The following TMIGD3 variants were observed in gnomAD, a reference collection of about 807,000 sequenced individuals.
TMIGD3 encodes the protein AD026 protein (AD026).
A neutral mutation model predicts 28.1 loss-of-function variants in TMIGD3; 21 were observed. The observed-to-expected ratio is 0.75, with a 90% CI of 0.53 to 1.08. The LOEUF is 1.08. Ranked by LOEUF, TMIGD3 falls within the 50% of genes least tolerant of loss-of-function variation. TMIGD3 has a pLI of 0.00. For synonymous variants in TMIGD3, 151 were observed against 162.1 expected (o/e 0.93, Z 0.52); for missense variants, 416 against 435.6 (o/e 0.96, Z 0.40).
intron 1 of TMIGD3, among the ~76,000 whole-genome samples, chr1:111,510,523 G>A (rs934383305): frequency 6.6e-6 from 1 of 152,082 alleles, no homozygotes; most frequent in Non-Finnish European, 1.5e-5. Flanking sequence ...GCAGAGCTTT[G>A]TCCCATTCAT....
intron 1 of TMIGD3, among the ~76,000 whole-genome samples, chr1:111,548,329 T>A (rs1411201048): frequency 6.6e-6 from 1 of 152,204 alleles, no homozygotes; most frequent in Non-Finnish European, 1.5e-5. Context: ...CATGGACCAC[T>A]TTTTACCTCT....
At chr1:111,507,027 GTGTGTGTGTGTGTATATA>G (rs1430962084), upstream of TMIGD3, among the ~76,000 whole-genome samples, 1 of 35,616 alleles carries the variant, frequency 2.8e-5, no homozygotes, top group Admixed American at 4.6e-4. Context: ...GTGTGTGTGT[GTGTGTGTGTGTGTATATA>G]TATATATATA....
intron 1 of TMIGD3, among the ~76,000 whole-genome samples, chr1:111,510,237 C>T (rs1297558197): frequency 1.3e-5 from 2 of 152,180 alleles, no homozygotes; most frequent in African/African-American, 4.8e-5. Flanking sequence ...GCATCTACTC[C>T]CTGATCAGAC....
intron 1 of TMIGD3, among the ~76,000 whole-genome samples, chr1:111,502,094 GGA>G (rs1173876371): frequency 1.6e-4 from 12 of 75,942 alleles, no homozygotes; most frequent in East Asian, 9.4e-4. Flanking sequence ...AATATATATA[GGA>G]GATATATATT....
chr1:111,559,786 T>G (rs1005787048), intron 1 of TMIGD3, among the ~76,000 whole-genome samples: 2 of 152,206 alleles, frequency 1.3e-5, no homozygotes, highest in African/African-American at 4.8e-5. Flanking sequence ...AGCCATAACA[T>G]GAGTCTAGCT....
At chr1:111,498,503 A>G (rs1654994759) in intron 1 of TMIGD3, among the ~76,000 whole-genome samples, 1 of 152,180 alleles carries the variant, frequency 6.6e-6, no homozygotes, top group East Asian at 1.9e-4. Context: ...GTTTGTGCCT[A>G]TCTGTTAATT....
chr1:111,536,604 A>T (rs964046232), intron 1 of TMIGD3, among the ~76,000 whole-genome samples: 2 of 152,098 alleles, frequency 1.3e-5, no homozygotes, highest in Non-Finnish European at 2.9e-5. Flanking sequence ...TTCATCGCTC[A>T]TACCCGCGAT....
intron 1 of TMIGD3, among the ~76,000 whole-genome samples, chr1:111,528,014 G>A (rs1656329554): frequency 6.6e-6 from 1 of 151,716 alleles, no homozygotes; most frequent in African/African-American, 2.4e-5. Flanking sequence ...ATGAAGTCTA[G>A]CTTGTCAATT....
intron 1 of TMIGD3, among the ~76,000 whole-genome samples, chr1:111,495,843 T>C (rs1444601871): frequency 6.6e-6 from 1 of 152,246 alleles, no homozygotes; most frequent in Non-Finnish European, 1.5e-5. Flanking sequence ...AACAAGATCA[T>C]GTCCTTTGCA....
chr1:111,543,105 TACAC>T (rs1039937210), intron 1 of TMIGD3, among the ~76,000 whole-genome samples: 5 of 152,126 alleles, frequency 3.3e-5, no homozygotes, highest in African/African-American at 1.2e-4. Flanking sequence ...TTATTTCTGC[TACAC>T]ACACACAGAC....
chr1:111,500,471 T>TG (rs1655117871), intron 1 of TMIGD3: 1 of 1,614,216 alleles, frequency 6.2e-7, no homozygotes. Context: ...CAGCCAAACA[T>TG]GGGGGTCAAT....
At chr1:111,551,609 T>G (rs1657260773) in intron 1 of TMIGD3, among the ~76,000 whole-genome samples, 2 of 152,200 alleles carry the variant, frequency 1.3e-5, no homozygotes, top group South Asian at 4.1e-4. Context: ...AATTATTGCT[T>G]TATGTAGCTG....
chr1:111,518,113 C>G (rs961292481), intron 1 of TMIGD3, among the ~76,000 whole-genome samples: 1 of 152,166 alleles, frequency 6.6e-6, no homozygotes, highest in African/African-American at 2.4e-5. Flanking sequence ...AGAGGAACCA[C>G]TTTTAACCTT....
At chr1:111,526,980 A>C (rs930204917) in intron 1 of TMIGD3, among the ~76,000 whole-genome samples, 1 of 147,246 alleles carries the variant, frequency 6.8e-6, no homozygotes, top group South Asian at 2.1e-4. Context: ...TTCAGTTTGT[A>C]ATATACATTT....
At chr1:111,509,096 A>G (rs963385105) in intron 1 of TMIGD3, among the ~76,000 whole-genome samples, 3 of 152,148 alleles carry the variant, frequency 2.0e-5, no homozygotes, top group Non-Finnish European at 1.5e-5. Context: ...CTCCGTCTCA[A>G]ACAAACAAAC....
In TMIGD3 at chr1:111,524,047, T is replaced by TGGGGGG. The variant is rs371004556; in HGVS notation, c.108-33286_108-33285insCCCCCC. 1.1e-3 allele frequency among the ~76,000 whole-genome samples: 137 copies of TGGGGGG among 130,332 alleles called. 1 individual carries two copies. The highest frequency in any genetic ancestry group is 3.0e-3 in the Admixed American group (35 of 11,752). The allele number at this position is 130,332 out of a possible 152,430, so 85.5% of individuals were successfully genotyped here. A position where few individuals can be genotyped will look rare whatever the true frequency, so the allele number is the denominator to read the frequency against. On this transcript the variant is annotated intron_variant, in intron 1 of 5. Transcript: ENST00000369717. ...TCTTTTCTTTTTTTTTTTTTTTTTT[T>TGGGGGG]GGGATGGAATCTTGCTCTGTCGCCC...
chr1:111,549,833 T>G (rs1392251921), intron 1 of TMIGD3, among the ~76,000 whole-genome samples: 1 of 152,018 alleles, frequency 6.6e-6, no homozygotes, highest in South Asian at 2.1e-4. Context: ...TAAATTTTTT[T>G]GTAGAGACAG....
At chr1:111,533,413 A>G (rs12737501) in intron 1 of TMIGD3, among the ~76,000 whole-genome samples, 67 of 152,386 alleles carry the variant, frequency 4.4e-4, no homozygotes, top group African/African-American at 1.5e-3. Context: ...ACCAAAAAGT[A>G]TAAAAGTATA....
At chr1:111,524,744 C>G (rs888310516) in intron 1 of TMIGD3, among the ~76,000 whole-genome samples, 4 of 152,046 alleles carry the variant, frequency 2.6e-5, no homozygotes, top group African/African-American at 9.7e-5. Context: ...CTCAGCCTCT[C>G]GAGTAGCTGG....
Sources: allele counts gnomAD v4.1 joint callset (sites outside exome capture counted in the v4.1 genomes callset), GRCh38; gene constraint gnomAD v4.1.1; transcripts MANE v1.5; gene names NCBI Gene and HGNC (gene_info 2026-07-23, HGNC 2026-07-21).